Variants in DAPK2 observed in about 807,000 individuals in gnomAD.
The protein encoded by DAPK2 is death-associated protein kinase 2.
Under a neutral mutation model 44.1 loss-of-function variants are expected in DAPK2, and 35 were observed. The ratio of observed to expected loss-of-function variants is 0.79; its 90% CI spans 0.61 to 1.05. The LOEUF (loss-of-function observed/expected upper bound fraction) is 1.05. Among genes scored for constraint, DAPK2 ranks in the 50% least tolerant of loss-of-function variants. DAPK2 has a pLI of 0.00. For synonymous variants in DAPK2, 174 were observed against 182.6 expected (o/e 0.95, Z 0.38); for missense variants, 453 against 483.2 (o/e 0.94, Z 0.59).
At chr15:63,945,650 A>C (rs2077429774) in intron 3 of DAPK2, among the ~76,000 whole-genome samples, 1 of 152,134 alleles carries the variant, frequency 6.6e-6, no homozygotes, top group African/African-American at 2.4e-5. Flanking sequence ...TGCAGATTGG[A>C]AAACTGCAGG....
intron 1 of DAPK2, among the ~76,000 whole-genome samples, chr15:64,036,303 G>GTATATA (rs1225495882): frequency 0.12 from 5,783 of 48,000 alleles, 240 homozygotes; most frequent in East Asian, 0.17. Context: ...GTGTGTGTGT[G>GTATATA]TGTGTGTATA....
chr15:64,021,451 G>A (rs1355883909), intron 1 of DAPK2, among the ~76,000 whole-genome samples: 2 of 152,050 alleles, frequency 1.3e-5, no homozygotes, highest in Non-Finnish European at 2.9e-5. Flanking sequence ...CCTTCTCCTG[G>A]GCTTGTAAAC....
At chr15:64,037,180 C>T (rs2080234422) in intron 1 of DAPK2, among the ~76,000 whole-genome samples, 1 of 152,184 alleles carries the variant, frequency 6.6e-6, no homozygotes, top group African/African-American at 2.4e-5. Flanking sequence ...GAATTCACCA[C>T]CTGGATCTGG....
chr15:63,943,533 C>T (rs925085896), intron 3 of DAPK2, among the ~76,000 whole-genome samples: 1 of 152,102 alleles, frequency 6.6e-6, no homozygotes, highest in African/African-American at 2.4e-5. Context: ...CTCCTAACCG[C>T]TAGACTAAAT....
Position 63,919,187 on chromosome 15 carries a change from T to A in DAPK2, c.858+5629A>T, listed in dbSNP as rs527862856. ...CTTTCCCCAAAAGACTTGGGGGCAT[T>A]TCTCAACTCTCTTTCATTTGTCTTT... On this transcript the variant is annotated intron_variant, in intron 8 of 10. Transcript: ENST00000261891. 3 of 152,276 alleles carry A rather than the reference T, an allele frequency of 2.0e-5. No individual in the cohort carries two copies. The South Asian group carries it at 6.2e-4, about 32-fold the overall frequency. 9.4% of individuals were successfully genotyped at this position (152,276 alleles called of 1,614,324 possible). A position where few individuals can be genotyped will look rare whatever the true frequency, so the allele number is the denominator to read the frequency against.
chr15:63,992,405 G>A (rs1014879680), intron 1 of DAPK2, among the ~76,000 whole-genome samples: 9 of 151,794 alleles, frequency 5.9e-5, no homozygotes, highest in Non-Finnish European at 1.2e-4. Flanking sequence ...CCTCCTAACT[G>A]TCCACTCACC....
intron 3 of DAPK2, among the ~76,000 whole-genome samples, chr15:63,955,426 G>A (rs1259882533): frequency 1.3e-5 from 2 of 152,120 alleles, no homozygotes; most frequent in Non-Finnish European, 2.9e-5. Flanking sequence ...TGTTCATCAA[G>A]GATATGGTCC....
At chr15:64,026,725 C>T (rs866250728) in intron 1 of DAPK2, among the ~76,000 whole-genome samples, 1 of 152,206 alleles carries the variant, frequency 6.6e-6, no homozygotes, top group African/African-American at 2.4e-5. Context: ...GACAAAGGAG[C>T]AGACCCCTTG....
At chr15:63,929,625 CG>C (rs1351148483) in intron 5 of DAPK2, 48 bp from the exon 7 acceptor site, 1 of 1,612,324 alleles carries the variant, frequency 6.2e-7, no homozygotes, top group Non-Finnish European at 8.5e-7. Flanking sequence ...GTCCCATCCC[CG>C]ACCAGCAAGG....
At chr15:64,035,500 C>T (rs769615034) in intron 1 of DAPK2, among the ~76,000 whole-genome samples, 4 of 152,184 alleles carry the variant, frequency 2.6e-5, no homozygotes, top group Admixed American at 2.6e-4. Context: ...TTTTGTGGGT[C>T]CTTATGATGC....
intron 1 of DAPK2, among the ~76,000 whole-genome samples, chr15:64,010,695 C>T (rs1361625343): frequency 6.6e-6 from 1 of 152,212 alleles, no homozygotes; most frequent in Non-Finnish European, 1.5e-5. Context: ...CCCATCCCCA[C>T]TTCGGAAAAC....
At chr15:64,009,765 C>T (rs1567271222) in intron 1 of DAPK2, among the ~76,000 whole-genome samples, 2 of 152,114 alleles carry the variant, frequency 1.3e-5, no homozygotes, top group Non-Finnish European at 2.9e-5. Context: ...TTCCCCCCGC[C>T]CCTAAATTAG....
chr15:64,011,476 G>A (rs371087157), intron 1 of DAPK2, among the ~76,000 whole-genome samples: 8 of 152,276 alleles, frequency 5.3e-5, no homozygotes, highest in East Asian at 3.9e-4. Context: ...CAGGAGAATC[G>A]CTTAAACCCA....
intron 1 of DAPK2, among the ~76,000 whole-genome samples, chr15:64,035,963 T>G (rs1002913541): frequency 2.0e-5 from 3 of 152,052 alleles, no homozygotes; most frequent in Admixed American, 6.6e-5. Flanking sequence ...AGACAAAGCC[T>G]CTAAAGGAAT....
chr15:63,999,761 G>A (rs2079035940), intron 1 of DAPK2, among the ~76,000 whole-genome samples: 1 of 151,580 alleles, frequency 6.6e-6, no homozygotes, highest in African/African-American at 2.4e-5. Context: ...TTTTTTCCCT[G>A]CTTTTATTTT....
intron 1 of DAPK2, among the ~76,000 whole-genome samples, chr15:63,991,587 C>G (rs1377597162): frequency 1.6e-5 from 1 of 61,018 alleles, no homozygotes; most frequent in Non-Finnish European, 4.9e-5. Flanking sequence ...CATCCAGAGC[C>G]CACCCACTGA....
chr15:64,001,201 C>T (rs999177517), intron 1 of DAPK2, among the ~76,000 whole-genome samples: 8 of 131,194 alleles, frequency 6.1e-5, no homozygotes, highest in African/African-American at 1.6e-4. Context: ...TTAATCACCT[C>T]CACTACCTGC....
chr15:64,004,465 C>T (rs1013154632), intron 1 of DAPK2, among the ~76,000 whole-genome samples: 2 of 152,320 alleles, frequency 1.3e-5, no homozygotes, highest in South Asian at 2.1e-4. Flanking sequence ...AAAAAATCCT[C>T]ATCATAATCT....
Position 63,912,511 on chromosome 15 carries a change from G to T in DAPK2, c.859-314C>A, listed in dbSNP as rs192691507. ...CAATCGCACATCACTTTGGGGAGAG[G>T]GTCATTTTACAGCAGTCTGGGATGC... On this transcript the variant is annotated intron_variant, in intron 8 of 10. Transcript: ENST00000261891. The surrounding 1 kb of genome is among the most constrained non-coding windows in gnomAD (Gnocchi z 4.4). Among the ~76,000 whole-genome samples, 1 of 152,244 alleles carries T rather than the reference G, an allele frequency of 6.6e-6. No individual in the cohort carries two copies. The highest frequency in any genetic ancestry group is 1.5e-5 in the Non-Finnish European group (1 of 68,040).
Sources: allele counts gnomAD v4.1 joint callset (sites outside exome capture counted in the v4.1 genomes callset), GRCh38; gene constraint gnomAD v4.1.1; non-coding constraint Gnocchi (gnomAD v3.1); transcripts MANE v1.5; gene names NCBI Gene and HGNC (gene_info 2026-07-23, HGNC 2026-07-21).